GAPVD1: variants seen among roughly 807,000 people sequenced by gnomAD.
GAPVD1 encodes the protein GTPase activating protein and VPS9 domains 1.
GAPVD1 carries 35 observed loss-of-function variants against 155.5 expected under a neutral mutation model. The ratio of observed to expected loss-of-function variants is 0.23; its 90% CI spans 0.17 to 0.30. The LOEUF (loss-of-function observed/expected upper bound fraction) is 0.30. GAPVD1 is among the 10% of genes least tolerant of loss of function. The probability of loss-of-function intolerance (pLI) is 1.00; values close to 1 mark genes in which losing one functional copy is unlikely to be tolerated. For synonymous variants in GAPVD1, 636 were observed against 619.7 expected (o/e 1.03, Z -0.39); for missense variants, 1,429 against 1,775.7 (o/e 0.80, Z 3.51).
intron 4 of GAPVD1, 125 bp downstream of exon 4, chr9:125,299,231 G>A: frequency 1.9e-6 from 1 of 539,828 alleles, no homozygotes; most frequent in Middle Eastern, 4.9e-4. Flanking sequence ...TTACATCAAT[G>A]TTAAGGTGAG....
chr9:125,282,301 T>G lies in GAPVD1; in HGVS notation c.-149-13157T>G, dbSNP rs938032304. On this transcript the variant is annotated intron_variant, in intron 2 of 27. Coordinates refer to ENST00000297933, the MANE Select transcript of GAPVD1 (RefSeq NM_001282680.3). ...TCAAAAAATAAAATAAATAAAAAGT[T>G]TTAATTTTTATTTTTAGTAAAAACG... Among the ~76,000 whole-genome samples, 5 of 152,080 alleles carry G rather than the reference T, an allele frequency of 3.3e-5. No homozygotes were observed. The South Asian group carries it at 1.0e-3, about 32-fold the overall frequency.
At chr9:125,345,524 A>C (rs566022897) in intron 19 of GAPVD1, among the ~76,000 whole-genome samples, 4 of 152,322 alleles carry the variant, frequency 2.6e-5, no homozygotes, top group Non-Finnish European at 4.4e-5. Context: ...AAAACTGTGT[A>C]TAAATGGACC....
At chr9:125,318,975 A>T (rs2131429579) in intron 9 of GAPVD1, among the ~76,000 whole-genome samples, 1 of 152,162 alleles carries the variant, frequency 6.6e-6, no homozygotes, top group Non-Finnish European at 1.5e-5. Flanking sequence ...CAGGAGTTTG[A>T]GACCAGCCTG....
intron 2 of GAPVD1, among the ~76,000 whole-genome samples, chr9:125,295,088 G>A (rs941593190): frequency 6.6e-6 from 1 of 151,572 alleles, no homozygotes; most frequent in Non-Finnish European, 1.5e-5. Context: ...GATAATGAGA[G>A]TACACCTGTC....
At chr9:125,293,877 T>TATATATA (rs1839311918) in intron 2 of GAPVD1, among the ~76,000 whole-genome samples, 15 of 18,180 alleles carry the variant, frequency 8.3e-4, no homozygotes, top group African/African-American at 4.2e-3. Flanking sequence ...TATATATATA[T>TATATATA]ATATATATAT....
chr9:125,339,941 A>G (rs1461162355), intron 17 of GAPVD1, among the ~76,000 whole-genome samples: 1 of 152,182 alleles, frequency 6.6e-6, no homozygotes, highest in Non-Finnish European at 1.5e-5. Flanking sequence ...GTAGATGAAA[A>G]TGGAAATTAA....
In GAPVD1 at chr9:125,350,305, A is replaced by G; in HGVS notation, c.3310A>G (p.Lys1104Glu). ...DSAFSYRDAK[K>E]KLRLALCSAD... ...CTACTCATTTTTCAGAGATGCAAAA[A>G]AGAAACTGAGGCTTGCTCTTTGCTC... Residue 1104 changes from lysine to glutamate, a missense_variant, in exon 22 of 28, where the codon AAG becomes GAG. By Grantham distance (56) the Lys-to-Glu change is moderately conservative. Transcript: ENST00000297933. The G allele has an allele frequency of 1.3e-6, 2 of 1,584,930 alleles. No homozygotes were observed. The highest frequency in any genetic ancestry group is 2.3e-5 in the South Asian group (2 of 85,394).
chr9:125,323,988 T>C, intron 11 of GAPVD1, 65 bp downstream of exon 11: 1 of 1,446,228 alleles, frequency 6.9e-7, no homozygotes, highest in Non-Finnish European at 9.6e-7. Flanking sequence ...AGATGAGCAG[T>C]GTGTTTTCAT....
chr9:125,352,809 T>C (rs536836162), intron 23 of GAPVD1, among the ~76,000 whole-genome samples: 3 of 152,278 alleles, frequency 2.0e-5, no homozygotes, highest in Admixed American at 1.3e-4. Flanking sequence ...TCTGTTTCCC[T>C]TATAAAACTG....
intron 8 of GAPVD1, among the ~76,000 whole-genome samples, chr9:125,311,709 T>C (rs1842712482): frequency 6.8e-6 from 1 of 146,378 alleles, no homozygotes; most frequent in South Asian, 2.2e-4. Flanking sequence ...TCATATAAAA[T>C]TTTCTTTATT....
intron 25 of GAPVD1, among the ~76,000 whole-genome samples, chr9:125,358,398 G>A (rs1405793997): frequency 1.3e-5 from 2 of 152,214 alleles, no homozygotes; most frequent in South Asian, 2.1e-4. Context: ...GAGCCACCCC[G>A]CCCGGCCTTC....
At chr9:125,274,139 T>C (rs1216690059) in intron 2 of GAPVD1, among the ~76,000 whole-genome samples, 1 of 151,786 alleles carries the variant, frequency 6.6e-6, no homozygotes, top group East Asian at 1.9e-4. Context: ...TGCCTCAGCC[T>C]CCCAAGTAGC....
chr9:125,268,495 GTTTTTTT>G (rs911483935), intron 1 of GAPVD1, among the ~76,000 whole-genome samples: 1 of 89,150 alleles, frequency 1.1e-5, no homozygotes, highest in South Asian at 3.8e-4. Context: ...CCCTAACATT[GTTTTTTT>G]TTTTTTTTTT....
intron 1 of GAPVD1, among the ~76,000 whole-genome samples, chr9:125,266,052 A>T (rs910969572): frequency 6.6e-6 from 1 of 150,814 alleles, no homozygotes; most frequent in East Asian, 1.9e-4. Flanking sequence ...AAAGTTGAAG[A>T]TAGGCGTACT....
At chr9:125,317,354 G>A (rs372820977) in intron 9 of GAPVD1, among the ~76,000 whole-genome samples, 8 of 151,050 alleles carry the variant, frequency 5.3e-5, no homozygotes, top group African/African-American at 1.5e-4. Context: ...ATGGCCGGGC[G>A]GTGGCTCACG....
intron 1 of GAPVD1, among the ~76,000 whole-genome samples, chr9:125,263,366 T>C (rs1209977985): frequency 1.3e-5 from 2 of 152,194 alleles, no homozygotes; most frequent in Non-Finnish European, 2.9e-5. Flanking sequence ...AGAGAATCAC[T>C]TGAGCCCGGG....
rs759742927 is a variant in GAPVD1 at position 125,302,433 on chromosome 9, A to G, written c.636A>G (p.Glu212=). 2 of 1,613,742 alleles carry G rather than the reference A, an allele frequency of 1.2e-6. No individual in the cohort carries two copies. The change falls in exon 5 of 28, where the codon GAA becomes GAG. Residue 212 remains glutamate (E), a synonymous_variant. Coordinates refer to ENST00000297933, the MANE Select transcript of GAPVD1 (RefSeq NM_001282680.3). ...EPIMQLLVED[E]DHLETDPNKL... Reference sequence around the variant, plus strand: ...TTATGCAACTGCTTGTTGAAGATGAAGATCACCTGGAAACAGATCCAAACA... The same window carrying G: ...TTATGCAACTGCTTGTTGAAGATGAGGATCACCTGGAAACAGATCCAAACA...
chr9:125,357,403 AACC>A (rs2132598896), intron 25 of GAPVD1, among the ~76,000 whole-genome samples: 1 of 151,824 alleles, frequency 6.6e-6, no homozygotes, highest in East Asian at 2.0e-4. Context: ...GCATGGTGAA[AACC>A]CATCTCTACT....
Position 125,305,054 on chromosome 9 carries a change from G to C in GAPVD1, c.1030-9G>C. 2 of 1,601,382 alleles carry C rather than the reference G, an allele frequency of 1.2e-6. No individual in the cohort carries two copies. On this transcript the variant is annotated splice_polypyrimidine_tract_variant and intron_variant, in intron 5 of 27. Transcript: ENST00000297933. ...GCTTATGTCTCCCTACCACTGCTTT[G>C]GGTTGCAGGTAGGCCGCCTTTTGCA...
Sources: allele counts gnomAD v4.1 joint callset (sites outside exome capture counted in the v4.1 genomes callset), GRCh38; gene constraint gnomAD v4.1.1; transcripts MANE v1.5; gene names NCBI Gene and HGNC (gene_info 2026-07-23, HGNC 2026-07-21).